The following GALC variants were observed in gnomAD, a reference collection of about 807,000 sequenced individuals.
GALC encodes the protein galactosylceramidase.
GALC carries 77 observed loss-of-function variants against 91.8 expected under a neutral mutation model. The ratio of observed to expected loss-of-function variants is 0.84; its 90% confidence interval spans 0.70 to 1.01. The LOEUF (loss-of-function observed/expected upper bound fraction) is 1.01, where lower values mean the gene tolerates loss of function less well. Ranked by LOEUF, GALC falls within the 50% of genes least tolerant of loss-of-function variation. The probability of loss-of-function intolerance (pLI) is 0.00; values close to 1 mark genes in which losing one functional copy is unlikely to be tolerated. For synonymous variants in GALC, 357 were observed against 306.7 expected, an observed-to-expected ratio of 1.16 and a Z score of -1.71; for missense variants, 882 against 855.9, an observed-to-expected ratio of 1.03 and a Z score of -0.38.
chr14:87,935,301 G>C (rs1884525503), intron 16 of GALC, among the ~76,000 whole-genome samples: 1 of 152,092 alleles, frequency 6.6e-6, no homozygotes. Flanking sequence ...CAAAACATCT[G>C]CTTCTACCTC....
chr14:87,944,964 T>C (rs375510618), intron 14 of GALC, among the ~76,000 whole-genome samples: 2 of 91,782 alleles, frequency 2.2e-5, no homozygotes, highest in South Asian at 5.1e-4. Flanking sequence ...AGTCAGCACA[T>C]AGAAATTCTG....
intron 6 of GALC, among the ~76,000 whole-genome samples, chr14:87,977,664 A>C (rs559732906): frequency 1.4e-4 from 22 of 152,318 alleles, no homozygotes; most frequent in African/African-American, 5.3e-4. Flanking sequence ...CAGATGCTCA[A>C]TACTACTGGT....
At chr14:87,947,684 G>A in intron 13 of GALC, 44 bp downstream of exon 13, 20 of 1,579,038 alleles carry the variant, frequency 1.3e-5, no homozygotes, top group Non-Finnish European at 1.7e-5. Context: ...ACACACTACT[G>A]TTAAATATAG....
rs1884455284 is a variant in GALC, at chr14:87,933,772, T to C, written c.*960A>G. ...CACGTATATTTAAATATAAACATAT[T>C]TGGACTTTAAAAAGTAAGTACATCT... On this transcript the variant is annotated 3_prime_UTR_variant, in exon 17 of 17. Transcript: ENST00000261304. 1 of 506,434 alleles carries C rather than the reference T, an allele frequency of 2.0e-6. No homozygotes were observed. Among genetic ancestry groups the C allele is most frequent in the Non-Finnish European group, 3.5e-6 (1 of 285,414 alleles). 31.4% of individuals were successfully genotyped at this position (506,434 alleles called of 1,614,324 possible). A position where few individuals can be genotyped will look rare whatever the true frequency, so the allele number is the denominator to read the frequency against.
At position 87,993,086 on chromosome 14, in the gene GALC, C is replaced by T. The variant is rs1441656888; in HGVS notation, c.79G>A (p.Ala27Thr). ...MTAAAGSAGRAAVPLLLCALL... is the reference protein window; with the variant it reads ...MTAAAGSAGRTAVPLLLCALL... Reference sequence around the variant, plus strand: ...GCACACAGCAGCAAGGGCACCGCGGCGCGGCCCGCCGAACCCGCGGCCGCA... The same window carrying T: ...GCACACAGCAGCAAGGGCACCGCGGTGCGGCCCGCCGAACCCGCGGCCGCA... Residue 27 changes from alanine to threonine, a missense_variant, in exon 1 of 17, where the codon GCC (alanine) becomes ACC (threonine). Coordinates refer to ENST00000261304, the MANE Select transcript of GALC (RefSeq NM_000153.4). The T allele has an allele frequency of 6.3e-7, 1 of 1,579,164 alleles. No homozygotes were observed. Among genetic ancestry groups the T allele is most frequent in the Non-Finnish European group, 8.6e-7 (1 of 1,163,512 alleles).
At chr14:87,970,725 C>T (rs1886256299) in intron 7 of GALC, among the ~76,000 whole-genome samples, 1 of 149,986 alleles carries the variant, frequency 6.7e-6, no homozygotes, top group Non-Finnish European at 1.5e-5. Context: ...AAAAATTAGC[C>T]AGGCGTGGAG....
chr14:87,968,403 A>G lies in GALC; in HGVS notation c.840T>C (p.Asn280=). 2 of 1,613,890 alleles carry G rather than the reference A, an allele frequency of 1.2e-6. No individual in the cohort carries two copies. Among genetic ancestry groups the G allele is most frequent in the Middle Eastern group, 1.7e-4 (1 of 6,060 alleles). ...CCCAGCAGCCTGCACCCATGTCACT[A>G]TTTAAAGTGCTAAAGTCTTCAGAAG... ...LWSSEDFSTL[N]SDMGAGCWGR... The change falls in exon 8 of 17, where the codon AAT becomes AAC. Residue 280 remains asparagine (N), a synonymous_variant. Coordinates refer to ENST00000261304, the MANE Select transcript of GALC (RefSeq NM_000153.4).
chr14:87,989,789 G>A (rs900324861), intron 1 of GALC: 10 of 152,084 alleles, frequency 6.6e-5, no homozygotes, highest in African/African-American at 2.2e-4. Flanking sequence ...ATGTAATCAC[G>A]AAACTCTTCC....
At chr14:87,978,370 A>AG (rs1451441106) in intron 6 of GALC, among the ~76,000 whole-genome samples, 1 of 152,202 alleles carries the variant, frequency 6.6e-6, no homozygotes, top group Non-Finnish European at 1.5e-5. Context: ...TACAGAGAAG[A>AG]GGAAGAGCAA....
intron 15 of GALC, among the ~76,000 whole-genome samples, chr14:87,940,733 T>G (rs758839205): frequency 1.8e-4 from 28 of 151,944 alleles, no homozygotes; most frequent in Non-Finnish European, 3.5e-4. Context: ...ATAAAAGAGA[T>G]ATTTTTAAAT....
At chr14:87,954,226 A>C in intron 10 of GALC, 1 of 1,541,316 alleles carries the variant, frequency 6.5e-7, no homozygotes, top group Non-Finnish European at 9.0e-7. Flanking sequence ...CAGAGGGTGA[A>C]CAGTATAGAC....
intron 8 of GALC, 42 bp downstream of exon 8, chr14:87,968,293 A>T (rs893115515): frequency 1.1e-5 from 16 of 1,520,420 alleles, no homozygotes; most frequent in African/African-American, 4.2e-5. Flanking sequence ...ATGTTTTTAA[A>T]TTTTTTTTGA....
intron 10 of GALC, among the ~76,000 whole-genome samples, chr14:87,957,572 G>A (rs532410259): frequency 4.6e-5 from 7 of 152,174 alleles, no homozygotes; most frequent in Admixed American, 4.6e-4. Context: ...TTGGTTTTAA[G>A]TATTTGGCTT....
In GALC at chr14:87,978,867, C is replaced by A. The variant is rs995284901; in HGVS notation, c.622-2379G>T. Among the ~76,000 whole-genome samples the A allele has an allele frequency of 1.7e-4, 25 of 151,314 alleles. 1 individual carries two copies. Among genetic ancestry groups the A allele is most frequent in the South Asian group, 1.0e-3 (5 of 4,788 alleles). On this transcript the variant is annotated intron_variant, in intron 6 of 16. Transcript: ENST00000261304. The stretch of plus-strand genomic sequence containing the variant: ...TTCAAAGAAACAATACCCTTGTCAT[C>A]TTTATATAAATTGCTCCTTTGTATT...
chr14:87,951,260 A>C (rs1244177306), intron 10 of GALC, among the ~76,000 whole-genome samples: 1 of 151,886 alleles, frequency 6.6e-6, no homozygotes, highest in Non-Finnish European at 1.5e-5. Flanking sequence ...ACTGTTTACT[A>C]AATAGTCACA....
chr14:87,978,667 GAAA>G (rs1214824927), intron 6 of GALC, among the ~76,000 whole-genome samples: 8 of 151,878 alleles, frequency 5.3e-5, no homozygotes, highest in Admixed American at 5.3e-4. Context: ...AAGACAAATG[GAAA>G]TGAACTTGTT....
At chr14:87,942,678 T>C (rs1446690371) in intron 14 of GALC, among the ~76,000 whole-genome samples, 4 of 152,028 alleles carry the variant, frequency 2.6e-5, no homozygotes, top group Non-Finnish European at 5.9e-5. Flanking sequence ...ATTATGTGGC[T>C]TTTACATTTC....
intron 1 of GALC, among the ~76,000 whole-genome samples, chr14:87,991,870 T>C (rs563261778): frequency 2.2e-4 from 33 of 152,216 alleles, no homozygotes; most frequent in African/African-American, 7.7e-4. Context: ...GTATCACAAG[T>C]AAAGCTATAA....
At chr14:87,982,182 A>G (rs1346829878) in intron 6 of GALC, 23 bp downstream of exon 6, 1 of 1,370,590 alleles carries the variant, frequency 7.3e-7, no homozygotes, top group Non-Finnish European at 1.0e-6. Flanking sequence ...TTAAAAACAA[A>G]AAGATACTAA....
Sources: gnomAD v4.1 joint callset for allele counts (sites outside exome capture counted in the v4.1 genomes callset) on GRCh38, gnomAD v4.1.1 for gene constraint, MANE v1.5 for transcripts, NCBI Gene and HGNC (gene_info 2026-07-23, HGNC 2026-07-21) for gene names.